MRAS: variants seen among roughly 807,000 people sequenced by gnomAD.
MRAS encodes ras-related protein M-Ras.
A neutral mutation model predicts 20.9 loss-of-function variants in MRAS; 4 were observed. The ratio of observed to expected loss-of-function variants is 0.19; its 90% CI spans 0.09 to 0.44. MRAS has a LOEUF of 0.44. Ranked by LOEUF, MRAS falls within the 20% of genes least tolerant of loss-of-function variation. The probability of loss-of-function intolerance (pLI) is 0.99; values close to 1 mark genes in which losing one functional copy is unlikely to be tolerated. For missense variants in MRAS, 154 were observed against 277.5 expected (o/e 0.56, Z 3.16); for synonymous variants, 98 against 102.9 (o/e 0.95, Z 0.29).
At chr3:138,358,132 C>G (rs1240566790) in intron 1 of MRAS, among the ~76,000 whole-genome samples, 1 of 151,994 alleles carries the variant, frequency 6.6e-6, no homozygotes, top group African/African-American at 2.4e-5. Context: ...GTCAGGAGTT[C>G]GAGACCAGCC....
intron 2 of MRAS, among the ~76,000 whole-genome samples, chr3:138,386,742 C>G (rs2055023791): frequency 6.6e-6 from 1 of 152,182 alleles, no homozygotes; most frequent in South Asian, 2.1e-4. Context: ...CTCGGCCTCC[C>G]AAAGTGCTGG....
At chr3:138,356,225 T>A (rs1460032667) in intron 1 of MRAS, among the ~76,000 whole-genome samples, 1 of 152,208 alleles carries the variant, frequency 6.6e-6, no homozygotes, top group African/African-American at 2.4e-5. Flanking sequence ...GGCCCTAGTA[T>A]ACCAAGTACA....
intron 2 of MRAS, among the ~76,000 whole-genome samples, chr3:138,383,297 A>G (rs1038451128): frequency 6.6e-6 from 1 of 152,140 alleles, no homozygotes; most frequent in Non-Finnish European, 1.5e-5. Context: ...CTATTGTTGC[A>G]GTGATTGCTT....
intron 2 of MRAS, among the ~76,000 whole-genome samples, chr3:138,377,984 A>G (rs2054820129): frequency 6.6e-6 from 1 of 152,218 alleles, no homozygotes; most frequent in South Asian, 2.1e-4. Flanking sequence ...ACAACCAGCA[A>G]CAGTTTGAGC....
intron 2 of MRAS, among the ~76,000 whole-genome samples, chr3:138,389,567 G>A (rs1451738237): frequency 6.8e-6 from 1 of 147,466 alleles, no homozygotes; most frequent in Non-Finnish European, 1.5e-5. Flanking sequence ...ATGGAGATAC[G>A]GCCCAGCCGG....
At chr3:138,365,416 G>T (rs2054539689) in intron 1 of MRAS, among the ~76,000 whole-genome samples, 1 of 152,158 alleles carries the variant, frequency 6.6e-6, no homozygotes, top group Non-Finnish European at 1.5e-5. Context: ...GGAAGCATGT[G>T]GTACTTAGGG....
At chr3:138,353,984 G>T (rs964419045) in intron 1 of MRAS, among the ~76,000 whole-genome samples, 1 of 152,138 alleles carries the variant, frequency 6.6e-6, no homozygotes, top group Non-Finnish European at 1.5e-5. Context: ...AAAATGTCAT[G>T]ATCCCTTCTC....
At chr3:138,376,780 A>G (rs2054791059) in intron 2 of MRAS, among the ~76,000 whole-genome samples, 1 of 152,320 alleles carries the variant, frequency 6.6e-6, no homozygotes, top group African/African-American at 2.4e-5. Context: ...ATGCAAACAC[A>G]TATTAGAGGT....
In MRAS at chr3:138,385,218, A is replaced by G. The variant is rs999454451; in HGVS notation, c.194-12106A>G. Among the ~76,000 whole-genome samples the G allele has an allele frequency of 2.4e-3, 291 of 119,420 alleles. 1 individual carries two copies. The highest frequency in any genetic ancestry group is 8.1e-3 in the African/African-American group (245 of 30,122). 78.3% of individuals were successfully genotyped at this position (119,420 alleles called of 152,430 possible). A position where few individuals can be genotyped will look rare whatever the true frequency, so the allele number is the denominator to read the frequency against. The stretch of plus-strand genomic sequence containing the variant: ...GGTCTTGCTTTGTCACCCAGGCTGG[A>G]GTTCAGTGGCATGATCATGACTCAC... On this transcript the variant is annotated intron_variant, in intron 2 of 5. Transcript: ENST00000423968.
At chr3:138,366,429 G>C (rs2054561485) in intron 1 of MRAS, among the ~76,000 whole-genome samples, 1 of 152,168 alleles carries the variant, frequency 6.6e-6, no homozygotes, top group South Asian at 2.1e-4. Flanking sequence ...CAATTGGTGG[G>C]GTTAAGGGGA....
At chr3:138,361,713 G>A (rs536577592) in intron 1 of MRAS, among the ~76,000 whole-genome samples, 10 of 152,294 alleles carry the variant, frequency 6.6e-5, no homozygotes, top group African/African-American at 2.4e-4. Flanking sequence ...AGGCTCTGGG[G>A]AGGCCAAGGG....
At chr3:138,360,026 T>C (rs923567499) in intron 1 of MRAS, among the ~76,000 whole-genome samples, 1 of 152,220 alleles carries the variant, frequency 6.6e-6, no homozygotes, top group South Asian at 2.1e-4. Context: ...ATTGCAGATA[T>C]TATGTTGCAG....
intron 2 of MRAS, among the ~76,000 whole-genome samples, chr3:138,383,157 G>A (rs2054939905): frequency 6.6e-6 from 1 of 152,180 alleles, no homozygotes; most frequent in African/African-American, 2.4e-5. Flanking sequence ...GAAAAGGACT[G>A]TGCCCACCAT....
At chr3:138,386,784 T>C (rs1227045848) in intron 2 of MRAS, among the ~76,000 whole-genome samples, 5 of 152,196 alleles carry the variant, frequency 3.3e-5, no homozygotes, top group Non-Finnish European at 5.9e-5. Flanking sequence ...CGTTCGGCCA[T>C]ATACTACATT....
chr3:138,368,502 T>C (rs2054608788), intron 1 of MRAS, among the ~76,000 whole-genome samples: 1 of 152,172 alleles, frequency 6.6e-6, no homozygotes, highest in African/African-American at 2.4e-5. Flanking sequence ...TTGCCCAAGG[T>C]CACTCAACTG....
At chr3:138,394,391 C>A (rs997222231) in intron 2 of MRAS, among the ~76,000 whole-genome samples, 1 of 152,194 alleles carries the variant, frequency 6.6e-6, no homozygotes, top group African/African-American at 2.4e-5. Flanking sequence ...TCACTGGCCC[C>A]TCTGAAGTGC....
chr3:138,350,927 A>G (rs1199497061), intron 1 of MRAS, among the ~76,000 whole-genome samples: 2 of 144,440 alleles, frequency 1.4e-5, no homozygotes, highest in Admixed American at 1.4e-4. Flanking sequence ...TGGGTGACAG[A>G]GCAAGACCCT....
intron 1 of MRAS, among the ~76,000 whole-genome samples, chr3:138,351,931 A>G (rs1248483373): frequency 6.6e-6 from 1 of 152,222 alleles, no homozygotes; most frequent in Non-Finnish European, 1.5e-5. Context: ...CAGTTTAGCC[A>G]TCTCTGATCT....
At chr3:138,360,238 A>C (rs1560163799) in intron 1 of MRAS, among the ~76,000 whole-genome samples, 1 of 152,194 alleles carries the variant, frequency 6.6e-6, no homozygotes, top group Non-Finnish European at 1.5e-5. Flanking sequence ...GATCAGTCAG[A>C]AAGCATCCGT....
Sources: allele counts gnomAD v4.1 joint callset (sites outside exome capture counted in the v4.1 genomes callset), GRCh38; gene constraint gnomAD v4.1.1; transcripts MANE v1.5; gene names NCBI Gene and HGNC (gene_info 2026-07-23, HGNC 2026-07-21).